The following NCAM2 variants were observed in gnomAD, a reference collection of about 807,000 sequenced individuals.
The protein encoded by NCAM2 is neural cell adhesion molecule 2.
Under a neutral mutation model 98.1 loss-of-function variants are expected in NCAM2, and 30 were observed. The observed-to-expected ratio is 0.31, with a 90% confidence interval of 0.23 to 0.41. The LOEUF is 0.41. NCAM2 is among the 10% of genes least tolerant of loss of function. The pLI, the probability that NCAM2 is intolerant of heterozygous loss-of-function variation, is 1.00. For missense variants in NCAM2, 867 were observed against 1,005.8 expected, an observed-to-expected ratio of 0.86 and a Z score of 1.87; for synonymous variants, 368 against 342.4, an observed-to-expected ratio of 1.07 and a Z score of -0.83.
chr21:21,319,426 A>G (rs2074312782), intron 5 of NCAM2, among the ~76,000 whole-genome samples: 1 of 152,164 alleles, frequency 6.6e-6, no homozygotes, highest in African/African-American at 2.4e-5. Flanking sequence ...GTGGATCACG[A>G]GGTCAAGAGT....
Position 21,542,628 on chromosome 21 carries a change from C to G in NCAM2, c.*4671C>G, listed in dbSNP as rs954631538. 6.6e-6 allele frequency: 1 copy of G among 151,764 alleles called. No homozygotes were observed. Among genetic ancestry groups the G allele is most frequent in the Non-Finnish European group, 1.5e-5 (1 of 67,852 alleles). 9.4% of individuals were successfully genotyped at this position (151,764 alleles called of 1,614,324 possible). Reference sequence around the variant, plus strand: ...ATCACTGTTGGAGAATTTCAAATCACAACCCGACATAGGAGAGTAGAGAAA... The same window carrying G: ...ATCACTGTTGGAGAATTTCAAATCAGAACCCGACATAGGAGAGTAGAGAAA... On this transcript the variant is annotated 3_prime_UTR_variant, in exon 18 of 18. Transcript: ENST00000400546.
intron 1 of NCAM2, among the ~76,000 whole-genome samples, chr21:21,121,534 A>G (rs2066674655): frequency 6.6e-6 from 1 of 152,216 alleles, no homozygotes; most frequent in African/African-American, 2.4e-5. Context: ...AGGTAAAGCT[A>G]TAAGGGTTTA....
At chr21:21,310,653 T>C (rs1046308720) in intron 5 of NCAM2, among the ~76,000 whole-genome samples, 2 of 152,220 alleles carry the variant, frequency 1.3e-5, no homozygotes, top group Non-Finnish European at 2.9e-5. Flanking sequence ...ACTATCAATA[T>C]GATTTTTAAT....
intron 1 of NCAM2, among the ~76,000 whole-genome samples, chr21:21,259,982 G>T (rs1307390354): frequency 2.1e-5 from 3 of 145,682 alleles, no homozygotes. Flanking sequence ...TTCAGGATGT[G>T]AAAGACAAGA....
chr21:21,051,872 A>G (rs1018173357), intron 1 of NCAM2, among the ~76,000 whole-genome samples: 1 of 152,182 alleles, frequency 6.6e-6, no homozygotes, highest in Non-Finnish European at 1.5e-5. Context: ...TGTGGTAATA[A>G]CAGTGGCACA....
chr21:20,999,690 A>G (rs993236048), intron 1 of NCAM2, among the ~76,000 whole-genome samples: 3 of 152,242 alleles, frequency 2.0e-5, no homozygotes, highest in African/African-American at 7.2e-5. Flanking sequence ...AAATTACAAG[A>G]CAAGTTAAAA....
intron 1 of NCAM2, among the ~76,000 whole-genome samples, chr21:21,061,950 G>A (rs972856139): frequency 6.6e-6 from 1 of 152,096 alleles, no homozygotes; most frequent in African/African-American, 2.4e-5. Context: ...TTGGAAAGCA[G>A]CCGTAATGGA....
intron 1 of NCAM2, among the ~76,000 whole-genome samples, chr21:21,253,491 G>A (rs1190425614): frequency 6.6e-6 from 1 of 152,104 alleles, no homozygotes; most frequent in Non-Finnish European, 1.5e-5. Flanking sequence ...TCAGAGAACT[G>A]CCTTGCCCCT....
intron 1 of NCAM2, among the ~76,000 whole-genome samples, chr21:21,192,716 A>C (rs145998533): frequency 7.2e-5 from 11 of 152,308 alleles, no homozygotes; most frequent in Non-Finnish European, 1.5e-4. Flanking sequence ...GGTAAAAAAA[A>C]CAAAACAAAC....
chr21:21,041,058 G>C (rs1345949922), intron 1 of NCAM2, among the ~76,000 whole-genome samples: 3 of 151,948 alleles, frequency 2.0e-5, no homozygotes, highest in Admixed American at 1.3e-4. Flanking sequence ...CAATTATTAT[G>C]TGCCATTTAA....
chr21:21,260,812 A>G (rs1568848030), intron 1 of NCAM2, among the ~76,000 whole-genome samples: 1 of 152,120 alleles, frequency 6.6e-6, no homozygotes, highest in African/African-American at 2.4e-5. Context: ...ACTACAAAGC[A>G]ACTAGCTAAC....
intron 9 of NCAM2, among the ~76,000 whole-genome samples, chr21:21,408,970 CTTTTTTA>C (rs764698056): frequency 0.11 from 16,852 of 149,560 alleles, 1,225 homozygotes; most frequent in Middle Eastern, 0.21. Flanking sequence ...CTGGATATTG[CTTTTTTA>C]AGTAGTTTGC....
At chr21:21,085,829 T>G (rs1350318901) in intron 1 of NCAM2, among the ~76,000 whole-genome samples, 1 of 152,150 alleles carries the variant, frequency 6.6e-6, no homozygotes, top group African/African-American at 2.4e-5. Flanking sequence ...TTTAAAAAAT[T>G]TTGTTATTTC....
At chr21:21,113,697 G>A (rs538071956) in intron 1 of NCAM2, among the ~76,000 whole-genome samples, 3 of 152,236 alleles carry the variant, frequency 2.0e-5, no homozygotes, top group African/African-American at 7.2e-5. Flanking sequence ...AACTCTTAAC[G>A]TTGACAAAAT....
intron 15 of NCAM2, among the ~76,000 whole-genome samples, chr21:21,486,314 A>AAG: frequency 6.6e-6 from 1 of 150,926 alleles, no homozygotes; most frequent in South Asian, 2.1e-4. Context: ...AAAAAAAAAA[A>AAG]AAAAAAAAAA....
At chr21:21,427,143 G>A (rs2077230703) in intron 11 of NCAM2, among the ~76,000 whole-genome samples, 1 of 151,606 alleles carries the variant, frequency 6.6e-6, no homozygotes, top group African/African-American at 2.4e-5. Context: ...TGTTGGGGCA[G>A]AAATTAGAAA....
chr21:21,284,476 A>T, intron 3 of NCAM2, 76 bp downstream of exon 3: 1 of 1,069,702 alleles, frequency 9.3e-7, no homozygotes, highest in Non-Finnish European at 1.4e-6. Flanking sequence ...AAAATGTTTG[A>T]TAACACTTAT....
chr21:21,319,131 AC>A (rs201523192), intron 5 of NCAM2, among the ~76,000 whole-genome samples: 2 of 152,122 alleles, frequency 1.3e-5, no homozygotes, highest in South Asian at 2.1e-4. Context: ...AGAAAAACAA[AC>A]AAAAAAAAAT....
intron 15 of NCAM2, among the ~76,000 whole-genome samples, chr21:21,482,675 T>A (rs1019919362): frequency 8.6e-5 from 13 of 151,906 alleles, no homozygotes; most frequent in Non-Finnish European, 1.8e-4. Context: ...ATATAAAATA[T>A]TACATTGATA....
Sources: allele counts gnomAD v4.1 joint callset (sites outside exome capture counted in the v4.1 genomes callset), GRCh38; gene constraint gnomAD v4.1.1; transcripts MANE v1.5; gene names NCBI Gene and HGNC (gene_info 2026-07-23, HGNC 2026-07-21).